SCN11A: variants seen among roughly 807,000 people sequenced by gnomAD.
The protein encoded by SCN11A is sodium channel protein type 11 subunit alpha.
Under a neutral mutation model 162.2 loss-of-function variants are expected in SCN11A, and 122 were observed. The ratio of observed to expected loss-of-function variants is 0.75; its 90% CI spans 0.65 to 0.87. The LOEUF is 0.87. SCN11A is among the 40% of genes least tolerant of loss of function. The pLI is 0.00. For missense variants in SCN11A, 2,015 were observed against 2,181.6 expected, an observed-to-expected ratio of 0.92 and a Z score of 1.52; for synonymous variants, 758 against 751.5, an observed-to-expected ratio of 1.01 and a Z score of -0.14.
chr3:38,879,717 G>T (rs145595645), intron 23 of SCN11A, among the ~76,000 whole-genome samples: 1 of 152,178 alleles, frequency 6.6e-6, no homozygotes, highest in South Asian at 2.1e-4. Flanking sequence ...TCATGGGAAA[G>T]GTTGTAGTGG....
intron 11 of SCN11A, among the ~76,000 whole-genome samples, chr3:38,911,729 T>C (rs1345822504): frequency 6.6e-6 from 1 of 152,212 alleles, no homozygotes; most frequent in African/African-American, 2.4e-5. Context: ...ATCTTTTAGT[T>C]CTAATGTTGA....
At chr3:38,885,445 C>A in intron 20 of SCN11A, 43 bp from the exon 21 acceptor site, 1 of 1,012,608 alleles carries the variant, frequency 9.9e-7, no homozygotes, top group Non-Finnish European at 1.6e-6. Flanking sequence ...TTTACTAAGA[C>A]CTTCTTTCAC....
intron 7 of SCN11A, among the ~76,000 whole-genome samples, chr3:38,935,864 T>G (rs946218374): frequency 6.6e-6 from 1 of 152,216 alleles, no homozygotes; most frequent in Non-Finnish European, 1.5e-5. Flanking sequence ...CCCTAACTCA[T>G]TTTATGAGGC....
chr3:38,860,991 C>A (rs1398331657), intron 28 of SCN11A, among the ~76,000 whole-genome samples: 3 of 151,844 alleles, frequency 2.0e-5, no homozygotes, highest in African/African-American at 7.3e-5. Flanking sequence ...CTTAGAAAAC[C>A]CTAAAGACTC....
intron 1 of SCN11A, among the ~76,000 whole-genome samples, chr3:39,042,974 A>AAAAAAAAAAAG (rs56332636): frequency 1.2e-3 from 126 of 103,510 alleles, no homozygotes; most frequent in African/African-American, 4.2e-3. Context: ...AAAAAAAAAA[A>AAAAAAAAAAAG]AAAAAGAAAA....
At chr3:38,927,700 T>C (rs576516499) in intron 7 of SCN11A, among the ~76,000 whole-genome samples, 3 of 152,324 alleles carry the variant, frequency 2.0e-5, no homozygotes, top group East Asian at 1.9e-4. Context: ...TCCTTCTTCA[T>C]ACGGCAGCAG....
intron 2 of SCN11A, among the ~76,000 whole-genome samples, chr3:39,019,834 C>T (rs1009071796): frequency 6.6e-6 from 1 of 152,070 alleles, no homozygotes; most frequent in Non-Finnish European, 1.5e-5. Context: ...TAGGGTTTTT[C>T]TTATCATCGC....
At chr3:38,993,306 G>A (rs892526949) in intron 2 of SCN11A, among the ~76,000 whole-genome samples, 59 of 152,020 alleles carry the variant, frequency 3.9e-4, no homozygotes, top group Admixed American at 7.9e-4. Context: ...GAAGGCTACC[G>A]GGATCAGAAA....
At chr3:39,030,049 G>C (rs575123023) in intron 2 of SCN11A, among the ~76,000 whole-genome samples, 1 of 152,322 alleles carries the variant, frequency 6.6e-6, no homozygotes, top group South Asian at 2.1e-4. Context: ...GGTCTCAAGA[G>C]TGGTTTATAT....
intron 2 of SCN11A, among the ~76,000 whole-genome samples, chr3:39,030,662 C>T (rs568700550): frequency 5.8e-4 from 88 of 152,242 alleles, no homozygotes; most frequent in Admixed American, 2.2e-3. Flanking sequence ...TTACATCCAG[C>T]GCACGTTTTT....
At position 38,977,824 on chromosome 3, in the gene SCN11A, GCAT is replaced by G. The variant is rs2125589265; in HGVS notation, c.-279-17404_-279-17402del. Among the ~76,000 whole-genome samples, 2 of 152,120 alleles carry G rather than the reference GCAT, an allele frequency of 1.3e-5. 1 individual carries two copies. Among genetic ancestry groups the G allele is most frequent in the South Asian group, 4.2e-4 (2 of 4,816 alleles). On this transcript the variant is annotated intron_variant, in intron 2 of 29. Coordinates refer to ENST00000302328, the MANE Select transcript of SCN11A (RefSeq NM_001349253.2). ...CAGCAGATAAGCCATTCTTTCAAAG[GCAT>G]AGCTCAAGTTTACCTCCTCCATGGA...
Position 38,871,626 on chromosome 3 carries a change from CA to C in SCN11A, c.3577del (p.Cys1193ValfsTer23). 1.1e-5 allele frequency: 17 copies of C among 1,612,672 alleles called. No homozygotes were observed. Among genetic ancestry groups the C allele is most frequent in the Non-Finnish European group, 1.4e-5 (17 of 1,179,088 alleles). ...AGAAAAGAAGTATACTCCCAGAATA[CA>C]AAATACGAGCCAGAAAATGAGGCAG... is the stretch of plus-strand genomic sequence containing the variant. The part of the protein sequence containing the change: ...LVCLIFWLVF[C>X]ILGVYFFSGK... On this transcript the variant is annotated frameshift_variant, in exon 25 of 30. Transcript: ENST00000302328. LOFTEE classifies it high-confidence loss of function.
At chr3:38,850,881 C>A in intron 28 of SCN11A, 130 bp from the exon 29 acceptor site, 2 of 694,810 alleles carry the variant, frequency 2.9e-6, no homozygotes, top group Non-Finnish European at 4.5e-6. Context: ...ATACACAGAC[C>A]CTTTTCAAAG....
At chr3:38,953,330 C>T (rs191269399) in intron 4 of SCN11A, among the ~76,000 whole-genome samples, 80 of 151,632 alleles carry the variant, frequency 5.3e-4, no homozygotes, top group Non-Finnish European at 7.8e-4. Flanking sequence ...ACCTGGGTGA[C>T]GAAATAATCT....
intron 28 of SCN11A, among the ~76,000 whole-genome samples, chr3:38,859,499 A>G (rs190898795): frequency 3.3e-5 from 5 of 152,272 alleles, no homozygotes; most frequent in Admixed American, 3.3e-4. Flanking sequence ...GACCAACAAA[A>G]AGTAGCAAGA....
rs1249531020 is a variant in SCN11A at position 38,931,918 on chromosome 3, TG to T, written c.489-4988del. 3.3e-5 allele frequency among the ~76,000 whole-genome samples: 5 copies of T among 152,126 alleles called. No individual in the cohort carries two copies. In the East Asian group the frequency reaches 9.6e-4, roughly 29 times the overall value. ...CTTCTTATATTTGCCTGAACCTGAG[TG>T]GGTCTCTTTGAATTACTAGAGGATC... On this transcript the variant is annotated intron_variant, in intron 7 of 29. Transcript: ENST00000302328.
chr3:39,050,622 T>C (rs1421102051), intron 1 of SCN11A, among the ~76,000 whole-genome samples: 1 of 152,236 alleles, frequency 6.6e-6, no homozygotes, highest in Non-Finnish European at 1.5e-5. Context: ...AGACAACTTT[T>C]CTAAGCATTA....
chr3:39,045,792 A>T (rs1161355175), intron 1 of SCN11A, among the ~76,000 whole-genome samples: 1 of 152,212 alleles, frequency 6.6e-6, no homozygotes, highest in Non-Finnish European at 1.5e-5. Context: ...AATGCTAGCT[A>T]GAGCATTTAG....
intron 2 of SCN11A, among the ~76,000 whole-genome samples, chr3:38,984,154 G>A (rs973500503): frequency 2.0e-5 from 3 of 152,142 alleles, no homozygotes; most frequent in African/African-American, 7.2e-5. Flanking sequence ...ATGACCATCA[G>A]GTCCTTTTCA....
Sources: gnomAD v4.1 joint callset for allele counts (sites outside exome capture counted in the v4.1 genomes callset) on GRCh38, gnomAD v4.1.1 for gene constraint, MANE v1.5 for transcripts, NCBI Gene and HGNC (gene_info 2026-07-23, HGNC 2026-07-21) for gene names.